ATP7A: variants seen among roughly 807,000 people sequenced by gnomAD.
ATP7A encodes ATPase copper transporting alpha.
ATP7A carries 7 observed loss-of-function variants against 83.5 expected under a neutral mutation model. The observed-to-expected ratio is 0.08, with a 90% CI of 0.05 to 0.16. The LOEUF is 0.16. Ranked by LOEUF, ATP7A falls within the 10% of genes least tolerant of loss-of-function variation. The pLI is 1.00. For synonymous variants in ATP7A, 354 were observed against 395.2 expected (o/e 0.90, Z 1.24); for missense variants, 940 against 1,120.8 (o/e 0.84, Z 2.30).
At chrX:78,017,765 C>CTTTT (rs1176316040) in intron 12 of ATP7A, among the ~76,000 whole-genome samples, 24 of 45,845 alleles carry the variant, frequency 5.2e-4, no homozygotes, top group Non-Finnish European at 7.2e-4. Flanking sequence ...TTTCTTGTTT[C>CTTTT]TTTTTTTTTT....
chrX:77,937,477 A>C (rs1404988779), intron 1 of ATP7A, among the ~76,000 whole-genome samples: 1 of 112,365 alleles, frequency 8.9e-6, no homozygotes, highest in Non-Finnish European at 1.9e-5. Flanking sequence ...GAGAAATGAA[A>C]ACCTGTGTTT....
Position 77,939,864 on chromosome X carries a change from A to AT in ATP7A, c.-22+29038dup, listed in dbSNP as rs782267186. Reference sequence around the variant, plus strand: ...CTTCTTATTAAGTTTATTCCTTAGTATTTTTTTTTGTTTTTTGGGGGGGAC... The same window carrying AT: ...CTTCTTATTAAGTTTATTCCTTAGTATTTTTTTTTTGTTTTTTGGGGGGGAC... On this transcript the variant is annotated intron_variant, in intron 1 of 22. Coordinates refer to ENST00000341514, the MANE Select transcript of ATP7A (RefSeq NM_000052.7). Among the ~76,000 whole-genome samples the AT allele has an allele frequency of 5.0e-4, 53 of 107,046 alleles. No homozygotes were observed. In the East Asian group the frequency reaches 9.5e-3, roughly 19 times the overall value. The allele number at this position is 107,046 out of a possible 115,157, so 93.0% of individuals were successfully genotyped here. A position where few individuals can be genotyped will look rare whatever the true frequency, so the allele number is the denominator to read the frequency against.
intron 17 of ATP7A, among the ~76,000 whole-genome samples, chrX:78,036,467 A>G (rs782208652): frequency 1.8e-4 from 20 of 111,774 alleles, no homozygotes; most frequent in Non-Finnish European, 3.4e-4. Flanking sequence ...TGGCAAGCGC[A>G]GAGTAAATGG....
chrX:78,000,846 G>T (rs1424731858), intron 5 of ATP7A, among the ~76,000 whole-genome samples: 1 of 109,148 alleles, frequency 9.2e-6, no homozygotes, highest in African/African-American at 3.3e-5. Flanking sequence ...TGTATTTTTA[G>T]TAGAGACAGA....
At chrX:78,010,769 C>T (rs782352608) in intron 7 of ATP7A, among the ~76,000 whole-genome samples, 9 of 107,977 alleles carry the variant, frequency 8.3e-5, no homozygotes, top group Admixed American at 5.0e-4. Context: ...TTAGTAGAGA[C>T]GGGGTTTCAC....
intron 18 of ATP7A, 152 bp downstream of exon 18, chrX:78,039,134 A>G: frequency 1.6e-6 from 1 of 628,524 alleles, no homozygotes; most frequent in South Asian, 3.4e-5. Context: ...ATTACTGATT[A>G]ATTTAAAATT....
At chrX:78,002,734 T>C (rs1302979987) in intron 5 of ATP7A, among the ~76,000 whole-genome samples, 1 of 108,670 alleles carries the variant, frequency 9.2e-6, no homozygotes, top group African/African-American at 3.4e-5. Context: ...GGAATGTATA[T>C]GAAATAAGAT....
chrX:78,031,269 G>A, intron 15 of ATP7A, 131 bp from the exon 16 acceptor site: 3 of 616,065 alleles, frequency 4.9e-6, no homozygotes, highest in Non-Finnish European at 7.7e-6. Context: ...AGTTTTTTAA[G>A]TCAAATTAAG....
Position 78,050,187 on chromosome X carries a change from C to T in ATP7A, c.*3617C>T, listed in dbSNP as rs1475121693. 8.9e-6 allele frequency: 1 copy of T among 112,250 alleles called. No individual in the cohort carries two copies. The highest frequency in any genetic ancestry group is 1.9e-5 in the Non-Finnish European group (1 of 53,187). The allele number at this position is 112,250 out of a possible 1,213,427, so 9.3% of individuals were successfully genotyped here. A position where few individuals can be genotyped will look rare whatever the true frequency, so the allele number is the denominator to read the frequency against. On this transcript the variant is annotated 3_prime_UTR_variant, in exon 23 of 23. Coordinates refer to ENST00000341514, the MANE Select transcript of ATP7A (RefSeq NM_000052.7). ...GCCTTTTGTAGCCAAAACCAGGCGT[C>T]TCAACCTTACGTTTTTAGTTAAAGA... is the stretch of plus-strand genomic sequence containing the variant.
chrX:78,006,706 T>C (rs1348885610), intron 6 of ATP7A, among the ~76,000 whole-genome samples: 1 of 112,162 alleles, frequency 8.9e-6, no homozygotes, highest in African/African-American at 3.2e-5. Flanking sequence ...TGTATTTGTA[T>C]AGATTTGCCT....
intron 1 of ATP7A, chrX:77,923,404 A>G (rs2077225468): frequency 1.8e-5 from 2 of 110,980 alleles, no homozygotes; most frequent in African/African-American, 6.5e-5. Flanking sequence ...ACTCATAATT[A>G]TGATATTAAG....
chrX:77,957,255 G>A (rs2077450554), intron 1 of ATP7A, among the ~76,000 whole-genome samples: 1 of 110,690 alleles, frequency 9.0e-6, no homozygotes, highest in South Asian at 3.8e-4. Context: ...CATACTTTAA[G>A]TTTTAGGGTA....
chrX:78,002,337 C>T (rs1230540085), intron 5 of ATP7A, among the ~76,000 whole-genome samples: 3 of 108,397 alleles, frequency 2.8e-5, no homozygotes, highest in African/African-American at 1.0e-4. Flanking sequence ...CCTCCTCGGC[C>T]TCCCGAAGTT....
At chrX:77,936,168 A>G (rs2077318692) in intron 1 of ATP7A, among the ~76,000 whole-genome samples, 1 of 112,060 alleles carries the variant, frequency 8.9e-6, no homozygotes, top group Non-Finnish European at 1.9e-5. Flanking sequence ...AAGTATGAGG[A>G]CTAAATGAGA....
chrX:77,944,130 AC>A (rs2077365627), intron 1 of ATP7A, among the ~76,000 whole-genome samples: 1 of 112,445 alleles, frequency 8.9e-6, no homozygotes, highest in Admixed American at 9.5e-5. Context: ...TAAGAAAAAA[AC>A]ACGATGTCAT....
intron 6 of ATP7A, among the ~76,000 whole-genome samples, chrX:78,003,981 A>C (rs1045101755): frequency 3.6e-5 from 4 of 111,558 alleles, no homozygotes; most frequent in Non-Finnish European, 7.5e-5. Context: ...GATTATATTT[A>C]TTATATAATT....
chrX:77,921,427 G>C (rs1359939462), intron 1 of ATP7A, among the ~76,000 whole-genome samples: 1 of 112,085 alleles, frequency 8.9e-6, no homozygotes, highest in Non-Finnish European at 1.9e-5. Flanking sequence ...ATATATATTA[G>C]TGGTTAAAAG....
In ATP7A at chrX:78,020,292, G is replaced by C; in HGVS notation, c.2675G>C (p.Gly892Ala). The C allele has an allele frequency of 4.1e-6, 5 of 1,211,723 alleles. No homozygotes were observed. Among genetic ancestry groups the C allele is most frequent in the Non-Finnish European group, 5.6e-6 (5 of 895,344 alleles). ...AAACCTGGCAGCACAGTGATTGCTG[G>C]TTCCATTAACCAGAACGGGTCACTG... The part of the protein sequence containing the change: ...AKKPGSTVIA[G>A]SINQNGSLLI... The change falls in exon 13 of 23, where the codon GGT (glycine) becomes GCT (alanine). Residue 892 changes from glycine (G) to alanine (A), a missense_variant. By Grantham distance (60) the Gly-to-Ala change is moderately conservative. This residue lies in a region of ATP7A where 386 missense variants were observed against 502.2 expected (regional missense o/e 0.77). Transcript: ENST00000341514.
chrX:77,931,514 C>A (rs782416010), intron 1 of ATP7A, among the ~76,000 whole-genome samples: 91 of 112,792 alleles, frequency 8.1e-4, no homozygotes, highest in South Asian at 2.5e-3. Context: ...GGCCCGTTCT[C>A]AATGAGCTGT....
Sources: allele counts gnomAD v4.1 joint callset (sites outside exome capture counted in the v4.1 genomes callset), GRCh38; gene constraint gnomAD v4.1.1; regional missense constraint gnomAD v4.1.1; transcripts MANE v1.5; gene names NCBI Gene and HGNC (gene_info 2026-07-23, HGNC 2026-07-21).